C10orf90: variants seen among roughly 807,000 people sequenced by gnomAD.
C10orf90 encodes (E2-independent) E3 ubiquitin-conjugating enzyme FATS.
A neutral mutation model predicts 62.5 loss-of-function variants in C10orf90; 56 were observed. That is an observed-to-expected ratio of 0.90 (90% CI 0.72 to 1.12). C10orf90 has a LOEUF of 1.12. Among genes scored for constraint, C10orf90 ranks in the 50% most tolerant of loss-of-function variants. The pLI is 0.00. For missense variants in C10orf90, 970 were observed against 880.4 expected, an observed-to-expected ratio of 1.10 and a Z score of -1.29; for synonymous variants, 386 against 340.4, an observed-to-expected ratio of 1.13 and a Z score of -1.47.
rs1323701552 is a variant in C10orf90 at position 126,426,078 on chromosome 10, G to A, written c.2265C>T (p.Asn755=). ...CTTTTTTCTTTTTAACTTCCGGCAAGTTATCATAGATTCTGAAACAGATTC... is the reference window on the plus strand; with the variant it reads ...CTTTTTTCTTTTTAACTTCCGGCAAATTATCATAGATTCTGAAACAGATTC... ...MHMRSKRIYD[N]LPEVKKKKEE... Residue 755 remains asparagine, a synonymous_variant, in exon 9 of 10, where the codon AAC becomes AAT. Transcript: ENST00000488181. The A allele has an allele frequency of 2.5e-6, 4 of 1,613,614 alleles. No individual in the cohort carries two copies. Among genetic ancestry groups the A allele is most frequent in the Non-Finnish European group, 8.5e-7 (1 of 1,179,642 alleles).
chr10:126,577,569 C>G (rs973832746), intron 2 of C10orf90, among the ~76,000 whole-genome samples: 1 of 151,976 alleles, frequency 6.6e-6, no homozygotes, highest in Non-Finnish European at 1.5e-5. Context: ...GATTAGAAGA[C>G]CTGACTTTGT....
chr10:126,559,576 CT>C (rs1463872574), intron 2 of C10orf90, among the ~76,000 whole-genome samples: 1 of 152,350 alleles, frequency 6.6e-6, no homozygotes, highest in African/African-American at 2.4e-5. Flanking sequence ...CCACCAACCC[CT>C]GACCCTCCCT....
At chr10:126,605,441 C>G (rs1845288055) in intron 2 of C10orf90, among the ~76,000 whole-genome samples, 1 of 152,048 alleles carries the variant, frequency 6.6e-6, no homozygotes, top group Non-Finnish European at 1.5e-5. Context: ...TGTGGAGGAC[C>G]CTGGAGAGGT....
intron 2 of C10orf90, among the ~76,000 whole-genome samples, chr10:126,643,378 C>G (rs1846103612): frequency 6.6e-6 from 1 of 152,136 alleles, no homozygotes; most frequent in South Asian, 2.1e-4. Context: ...CTCAGAGAAG[C>G]TAGACAGAAG....
At chr10:126,609,572 G>A (rs990489848) in intron 2 of C10orf90, among the ~76,000 whole-genome samples, 11 of 152,182 alleles carry the variant, frequency 7.2e-5, no homozygotes, top group African/African-American at 1.9e-4. Context: ...GACAAATTGC[G>A]GTGCTCAGGT....
intron 2 of C10orf90, among the ~76,000 whole-genome samples, chr10:126,614,670 A>G (rs1002685256): frequency 1.3e-5 from 2 of 152,092 alleles, no homozygotes; most frequent in Non-Finnish European, 2.9e-5. Context: ...CAGCCTTTCA[A>G]CGCTAGGGAA....
chr10:126,601,942 C>T (rs1845206624), intron 2 of C10orf90, among the ~76,000 whole-genome samples: 1 of 152,254 alleles, frequency 6.6e-6, no homozygotes, highest in Non-Finnish European at 1.5e-5. Flanking sequence ...AGTCTCAGAT[C>T]TAAATGCTGC....
intron 4 of C10orf90, among the ~76,000 whole-genome samples, chr10:126,475,547 T>A (rs187186989): frequency 1.3e-5 from 2 of 152,238 alleles, no homozygotes; most frequent in African/African-American, 4.8e-5. Flanking sequence ...AGCTGTTTCC[T>A]GGCAATAATT....
chr10:126,610,980 G>C (rs1301927725), intron 2 of C10orf90, among the ~76,000 whole-genome samples: 1 of 151,816 alleles, frequency 6.6e-6, no homozygotes, highest in East Asian at 1.9e-4. Context: ...ATAATAGTTT[G>C]ATTGAGATGT....
rs1244795390 is a variant in C10orf90, at chr10:126,625,405, C to T, written c.313+21160G>A. On this transcript the variant is annotated intron_variant, in intron 2 of 9. Transcript: ENST00000488181. ...GCTCACCACAGTGTTACTTTCCAAG[C>T]TGACTTGACCACAGGACATTTTTAT... Among the ~76,000 whole-genome samples the T allele has an allele frequency of 4.6e-5, 7 of 152,312 alleles. No homozygotes were observed. The South Asian group carries it at 1.4e-3, about 32-fold the overall frequency.
rs1218089875 is a variant in C10orf90 at position 126,670,576 on chromosome 10, A to C, written c.-96T>G. ...TGAGTGCAACAGGAGGGACTTGGGC[A>C]GTGCCCCAGCTCGGACCTGTCCCAG... On this transcript the variant is annotated 5_prime_UTR_variant, in exon 1 of 10. Coordinates refer to ENST00000488181, the MANE Select transcript of C10orf90 (RefSeq NM_001350921.2). The C allele has an allele frequency of 9.8e-6, 4 of 407,184 alleles. No individual in the cohort carries two copies. Among genetic ancestry groups the C allele is most frequent in the African/African-American group, 8.2e-5 (4 of 48,696 alleles). 25.2% of individuals were successfully genotyped at this position (407,184 alleles called of 1,614,324 possible).
At chr10:126,440,089 C>T (rs1858206777) in intron 7 of C10orf90, among the ~76,000 whole-genome samples, 1 of 152,232 alleles carries the variant, frequency 6.6e-6, no homozygotes. Flanking sequence ...ATCTTGCATG[C>T]AGACTCCACA....
rs139448321 is a variant in C10orf90 at position 126,539,130 on chromosome 10, C to T, written c.314-25191G>A. Among the ~76,000 whole-genome samples the T allele has an allele frequency of 3.3e-3, 508 of 152,332 alleles. 5 individuals are homozygous for T. The highest frequency in any genetic ancestry group is 0.01 in the Middle Eastern group (3 of 292). On this transcript the variant is annotated intron_variant, in intron 2 of 9. Coordinates refer to ENST00000488181, the MANE Select transcript of C10orf90 (RefSeq NM_001350921.2). ...ACAGTCCCAGCTCAGAGCAAGACAG[C>T]AGGCAGGGACCTTTCCACCGCAGTG...
chr10:126,443,301 C>A (rs1423157927), intron 7 of C10orf90, among the ~76,000 whole-genome samples: 2 of 151,806 alleles, frequency 1.3e-5, no homozygotes, highest in African/African-American at 4.8e-5. Context: ...AGAGAAAATC[C>A]AAATAACCTC....
At chr10:126,655,839 C>A (rs56395762) in intron 1 of C10orf90, among the ~76,000 whole-genome samples, 50,406 of 138,538 alleles carry the variant, frequency 0.36, 9,043 homozygotes, top group South Asian at 0.4. Flanking sequence ...CAAAACAAAA[C>A]AAAAAAAAAA....
chr10:126,505,092 A>G lies in C10orf90; in HGVS notation c.406-7T>C. 6.3e-7 allele frequency: 1 copy of G among 1,595,750 alleles called. No homozygotes were observed. The highest frequency in any genetic ancestry group is 8.5e-7 in the Non-Finnish European group (1 of 1,171,194). ...TTTGTGATGCCAGGGTCTCCTGCAA[A>G]TAGAAAAAGATCCCGATTATTCAAG... On this transcript the variant is annotated splice_region_variant and splice_polypyrimidine_tract_variant and intron_variant, in intron 3 of 9. Transcript: ENST00000488181.
intron 4 of C10orf90, 97 bp downstream of exon 4, chr10:126,503,860 C>A: frequency 7.1e-7 from 1 of 1,416,284 alleles, no homozygotes; most frequent in Non-Finnish European, 9.5e-7. Context: ...CTGAGAAATG[C>A]CTCTTAGAAT....
intron 2 of C10orf90, among the ~76,000 whole-genome samples, chr10:126,515,517 C>A (rs879757087): frequency 3.3e-5 from 5 of 152,218 alleles, no homozygotes; most frequent in Non-Finnish European, 7.3e-5. Flanking sequence ...CAGTCACACA[C>A]TATACACGTT....
At chr10:126,646,208 A>C (rs999126275) in intron 2 of C10orf90, among the ~76,000 whole-genome samples, 2 of 152,236 alleles carry the variant, frequency 1.3e-5, no homozygotes, top group Non-Finnish European at 2.9e-5. Flanking sequence ...GCCTATATTT[A>C]AATTGCATCC....
Sources: allele counts gnomAD v4.1 joint callset (sites outside exome capture counted in the v4.1 genomes callset), GRCh38; gene constraint gnomAD v4.1.1; transcripts MANE v1.5; gene names NCBI Gene and HGNC (gene_info 2026-07-23, HGNC 2026-07-21).